Variants in DLG2 observed in about 807,000 individuals in gnomAD.
DLG2 encodes disks large homolog 2.
In DLG2, 45 loss-of-function variants were observed where a neutral mutation model predicts 132.5. The observed-to-expected ratio is 0.34, with a 90% confidence interval of 0.27 to 0.44. The LOEUF (loss-of-function observed/expected upper bound fraction) is 0.44. Ranked by LOEUF, DLG2 falls within the 20% of genes least tolerant of loss-of-function variation. The probability of loss-of-function intolerance (pLI) is 1.00; values close to 1 mark genes in which losing one functional copy is unlikely to be tolerated. For missense variants in DLG2, 1,045 were observed against 1,196.9 expected (o/e 0.87, Z 1.87); for synonymous variants, 424 against 419.6 (o/e 1.01, Z -0.13).
Position 85,323,685 on chromosome 11 carries a change from C to T in DLG2, c.41-38320G>A, listed in dbSNP as rs77843308. 9.5e-3 allele frequency among the ~76,000 whole-genome samples: 1,449 copies of T among 152,322 alleles called. 20 individuals are homozygous for T. Among genetic ancestry groups the T allele is most frequent in the African/African-American group, 0.031 (1,304 of 41,566 alleles). On this transcript the variant is annotated intron_variant, in intron 3 of 27. Transcript: ENST00000376104. ...ACTACCTTTCTCAGCTTCTAATAAGCATCATACTACTCTCTACCTTCAGGA... is the reference window on the plus strand; with the variant it reads ...ACTACCTTTCTCAGCTTCTAATAAGTATCATACTACTCTCTACCTTCAGGA...
chr11:84,675,444 C>G (rs2099710238), intron 6 of DLG2, among the ~76,000 whole-genome samples: 2 of 151,798 alleles, frequency 1.3e-5, no homozygotes, highest in African/African-American at 4.8e-5. Flanking sequence ...ATATTTTTAA[C>G]AAATAAGATG....
In DLG2 at chr11:85,285,232, T is replaced by G. The variant is rs762530650; in HGVS notation, c.174A>C (p.Gln58His). ...TTCAGTAGTATACCTCTGAAGATTTTTGAAGTCTGTCATGGCACGGAGCAA... is the reference window on the plus strand; with the variant it reads ...TTCAGTAGTATACCTCTGAAGATTTGTGAAGTCTGTCATGGCACGGAGCAA... ...SLLAPCHDRL[Q>H]KSSELTDCSG... is the part of the protein sequence containing the mutation. The change falls in exon 4 of 28, where the codon CAA (glutamine) becomes CAC (histidine). Residue 58 changes from glutamine (Q) to histidine (H), a missense_variant. Coordinates refer to ENST00000376104, the MANE Select transcript of DLG2 (RefSeq NM_001142699.3). The G allele has an allele frequency of 6.2e-7, 1 of 1,611,398 alleles. No individual in the cohort carries two copies. The highest frequency in any genetic ancestry group is 8.5e-7 in the Non-Finnish European group (1 of 1,178,328).
At chr11:83,906,079 C>CTA (rs1316174646) in intron 15 of DLG2, among the ~76,000 whole-genome samples, 452 of 94,158 alleles carry the variant, frequency 4.8e-3, no homozygotes, top group Admixed American at 8.9e-3. Flanking sequence ...CTCTCTCTCT[C>CTA]TCTATATATA....
intron 3 of DLG2, among the ~76,000 whole-genome samples, chr11:85,583,297 T>A (rs2078740959): frequency 6.7e-6 from 1 of 149,482 alleles, no homozygotes; most frequent in African/African-American, 2.5e-5. Context: ...TCCCAAGAAG[T>A]TAGAACAACA....
intron 19 of DLG2, among the ~76,000 whole-genome samples, chr11:83,604,739 T>C (rs915334273): frequency 1.1e-4 from 16 of 152,152 alleles, no homozygotes; most frequent in Non-Finnish European, 2.1e-4. Context: ...TGGCTACACA[T>C]GTGTGGGGGC....
rs371729733 is a variant in DLG2 at position 85,108,349 on chromosome 11, C to A, written c.357+3312G>T. Reference sequence around the variant, plus strand: ...TAATAGAGACTATCAATTTATTAGGCCTGTAAGTATGAATTAATTTATTTA... The same window carrying A: ...TAATAGAGACTATCAATTTATTAGGACTGTAAGTATGAATTAATTTATTTA... On this transcript the variant is annotated intron_variant, in intron 6 of 27. Coordinates refer to ENST00000376104, the MANE Select transcript of DLG2 (RefSeq NM_001142699.3). Among the ~76,000 whole-genome samples the A allele has an allele frequency of 2.2e-4, 33 of 152,072 alleles. No individual in the cohort carries two copies. The East Asian group carries it at 3.1e-3, about 14-fold the overall frequency.
intron 6 of DLG2, among the ~76,000 whole-genome samples, chr11:84,947,937 C>T (rs889295129): frequency 6.6e-6 from 1 of 152,050 alleles, no homozygotes; most frequent in Non-Finnish European, 1.5e-5. Flanking sequence ...ATAACTTGTC[C>T]TAGAGCAATG....
chr11:85,046,168 G>A lies in DLG2; in HGVS notation c.357+65493C>T, dbSNP rs144202243. Among the ~76,000 whole-genome samples, 68 of 152,032 alleles carry A rather than the reference G, an allele frequency of 4.5e-4. 2 individuals are homozygous for A. Among genetic ancestry groups the A allele is most frequent in the African/African-American group, 1.4e-3 (58 of 41,516 alleles). ...GATCCCGAACAGAATTTGCAAAAGC[G>A]CAACCTAATTCCCTCTATGATAAAG... On this transcript the variant is annotated intron_variant, in intron 6 of 27. Transcript: ENST00000376104.
chr11:84,888,170 A>C (rs555314059), intron 6 of DLG2, among the ~76,000 whole-genome samples: 2 of 152,246 alleles, frequency 1.3e-5, no homozygotes, highest in Admixed American at 1.3e-4. Flanking sequence ...AGATGCCCAG[A>C]TAGCTGATAA....
intron 3 of DLG2, among the ~76,000 whole-genome samples, chr11:85,584,395 T>C (rs1181333847): frequency 6.6e-6 from 1 of 151,594 alleles, no homozygotes; most frequent in East Asian, 1.9e-4. Flanking sequence ...ACATTTTCTT[T>C]ATCCACTCGT....
chr11:83,649,377 C>A (rs1383177978), intron 18 of DLG2, among the ~76,000 whole-genome samples: 1 of 152,048 alleles, frequency 6.6e-6, no homozygotes, highest in Non-Finnish European at 1.5e-5. Context: ...AAATTCCAAG[C>A]CCTGGTCAGG....
At chr11:83,639,382 T>C (rs902710976) in intron 18 of DLG2, among the ~76,000 whole-genome samples, 6 of 152,204 alleles carry the variant, frequency 3.9e-5, no homozygotes, top group African/African-American at 1.4e-4. Flanking sequence ...CAGCCTATCA[T>C]TGTTGGACAT....
chr11:84,135,046 ATTAC>A (rs2094553248), intron 9 of DLG2, among the ~76,000 whole-genome samples: 1 of 152,148 alleles, frequency 6.6e-6, no homozygotes, highest in Non-Finnish European at 1.5e-5. Context: ...TATCTAATAT[ATTAC>A]TTATCTATTA....
intron 4 of DLG2, among the ~76,000 whole-genome samples, chr11:85,259,981 G>T (rs986994883): frequency 1.3e-5 from 2 of 152,110 alleles, no homozygotes; most frequent in South Asian, 2.1e-4. Context: ...ATGTTGGTGA[G>T]CATTGGGCTA....
At chr11:84,692,268 A>G (rs886490370) in intron 6 of DLG2, among the ~76,000 whole-genome samples, 1 of 151,842 alleles carries the variant, frequency 6.6e-6, no homozygotes, top group Admixed American at 6.6e-5. Context: ...TTAGCATGGT[A>G]TGCTAAGCAT....
At chr11:83,850,158 G>T (rs868357677) in intron 16 of DLG2, among the ~76,000 whole-genome samples, 4,171 of 127,814 alleles carry the variant, frequency 0.033, 193 homozygotes, top group African/African-American at 0.14. Context: ...GTGTGTGTGT[G>T]TGTTTTTTTA....
chr11:84,364,286 T>C (rs577579377), intron 7 of DLG2, among the ~76,000 whole-genome samples: 3,842 of 152,094 alleles, frequency 0.025, 58 homozygotes, highest in South Asian at 0.056. Context: ...TGAATGGGAG[T>C]TCACTCATGA....
chr11:84,615,959 G>A (rs1308622626), intron 6 of DLG2, among the ~76,000 whole-genome samples: 1 of 151,640 alleles, frequency 6.6e-6, no homozygotes, highest in Non-Finnish European at 1.5e-5. Context: ...TATATATAGT[G>A]ACGAGGTTCA....
At chr11:84,538,290 A>T (rs2099360213) in intron 6 of DLG2, among the ~76,000 whole-genome samples, 1 of 152,336 alleles carries the variant, frequency 6.6e-6, no homozygotes, top group South Asian at 2.1e-4. Context: ...GTTTGAGGGA[A>T]CAGTGAGGTC....
Sources: allele counts gnomAD v4.1 joint callset (sites outside exome capture counted in the v4.1 genomes callset), GRCh38; gene constraint gnomAD v4.1.1; transcripts MANE v1.5; gene names NCBI Gene and HGNC (gene_info 2026-07-23, HGNC 2026-07-21).